The following MYH10 variants were observed in gnomAD, a reference collection of about 807,000 sequenced individuals.
MYH10 encodes the protein myosin heavy chain 10.
MYH10 carries 55 observed loss-of-function variants against 257.8 expected under a neutral mutation model. The ratio of observed to expected loss-of-function variants is 0.21; its 90% CI spans 0.17 to 0.27. MYH10 has a LOEUF of 0.27. MYH10 is among the 10% of genes least tolerant of loss of function. MYH10 has a pLI of 1.00. For missense variants in MYH10, 1,631 were observed against 2,500.6 expected (o/e 0.65, Z 7.42); for synonymous variants, 854 against 921.7 (o/e 0.93, Z 1.33).
Position 8,505,583 on chromosome 17 carries a change from A to G in MYH10, c.3387-677T>C, listed in dbSNP as rs188780874. 2.5e-4 allele frequency among the ~76,000 whole-genome samples: 38 copies of G among 152,392 alleles called. 1 individual carries two copies. Among genetic ancestry groups the G allele is most frequent in the South Asian group, 2.3e-3 (11 of 4,828 alleles). The stretch of plus-strand genomic sequence containing the variant: ...ATGAAACATTAGACATATATTTATT[A>G]CATCTGATTTGCATTCTAAACTGAA... On this transcript the variant is annotated intron_variant, in intron 27 of 42. Transcript: ENST00000360416.
intron 8 of MYH10, among the ~76,000 whole-genome samples, chr17:8,553,670 T>C (rs920723292): frequency 4.6e-5 from 7 of 152,268 alleles, no homozygotes; most frequent in South Asian, 2.1e-4. Context: ...CTAACAGCAA[T>C]AGGGGGAGGG....
intron 14 of MYH10, among the ~76,000 whole-genome samples, chr17:8,539,240 C>G (rs983709734): frequency 1.5e-4 from 23 of 152,168 alleles, no homozygotes; most frequent in African/African-American, 5.3e-4. Flanking sequence ...TAACGGAAAA[C>G]AGACTAGGAC....
At chr17:8,514,874 A>G (rs1247980482) in intron 21 of MYH10, among the ~76,000 whole-genome samples, 1 of 152,038 alleles carries the variant, frequency 6.6e-6, no homozygotes, top group Non-Finnish European at 1.5e-5. Context: ...AGCCAAATCC[A>G]AGTGCCTGGC....
intron 38 of MYH10, chr17:8,480,729 A>T: frequency 1.5e-6 from 1 of 654,132 alleles, no homozygotes; most frequent in Non-Finnish European, 2.7e-6. Context: ...CACCACCCAG[A>T]TGCAGGCCTG....
At chr17:8,480,044 T>G (rs1437396198) in intron 40 of MYH10, 66 bp downstream of exon 40, 2 of 1,531,418 alleles carry the variant, frequency 1.3e-6, no homozygotes, top group Non-Finnish European at 1.8e-6. Flanking sequence ...GAAAGGGGCA[T>G]GCCTGTTTTG....
rs562984902 is a variant in MYH10, at chr17:8,496,763, T to A, written c.3952-1522A>T. ...CCTCCTTCGAAAGGCCTGCTTGCGA[T>A]GTTGACCTTTGGCTGGTGTGTGGGA... On this transcript the variant is annotated intron_variant, in intron 30 of 42. Coordinates refer to ENST00000360416, the MANE Select transcript of MYH10 (RefSeq NM_001256012.3). Among the ~76,000 whole-genome samples the A allele has an allele frequency of 2.0e-5, 3 of 152,320 alleles. No homozygotes were observed. In the East Asian group the frequency reaches 5.8e-4, roughly 29 times the overall value.
chr17:8,599,301 A>G (rs2084504306), intron 3 of MYH10, among the ~76,000 whole-genome samples: 1 of 152,210 alleles, frequency 6.6e-6, no homozygotes, highest in Non-Finnish European at 1.5e-5. Context: ...TTTTCAATAT[A>G]AGCTTGCTAA....
At position 8,570,873 on chromosome 17, in the gene MYH10, ACTCAG is replaced by A. The variant is rs548055353; in HGVS notation, c.664-1066_664-1062del. ...TCACGCCGCCCTGGTGTGGACTGTC[ACTCAG>A]CTGAAAGGGTGGGGAAGTGTTCCTC... On this transcript the variant is annotated intron_variant, in intron 6 of 42. Coordinates refer to ENST00000360416, the MANE Select transcript of MYH10 (RefSeq NM_001256012.3). Among the ~76,000 whole-genome samples the A allele has an allele frequency of 2.1e-3, 315 of 152,266 alleles. 4 individuals are homozygous for A. Among genetic ancestry groups the A allele is most frequent in the Admixed American group, 0.019 (283 of 15,290 alleles).
At chr17:8,619,673 C>T (rs1228630638) in intron 2 of MYH10, among the ~76,000 whole-genome samples, 1 of 152,076 alleles carries the variant, frequency 6.6e-6, no homozygotes, top group African/African-American at 2.4e-5. Context: ...CCTGTAATCA[C>T]AGCACTCTGG....
chr17:8,630,299 C>A (rs1312563585), intron 1 of MYH10, among the ~76,000 whole-genome samples: 1 of 151,440 alleles, frequency 6.6e-6, no homozygotes. Flanking sequence ...CACGTCCCCA[C>A]CCCCAGATCT....
At chr17:8,511,015 CATATATATATATATATATATATATAT>C (rs56144668) in intron 24 of MYH10, 11 of 120,550 alleles carry the variant, frequency 9.1e-5, no homozygotes, top group Middle Eastern at 3.9e-3. Flanking sequence ...TCATGTACCC[CATATATATATATATATATATATATAT>C]ATATATATAT....
chr17:8,569,931 A>T lies in MYH10; in HGVS notation c.664-119T>A. 1 of 702,098 alleles carries T rather than the reference A, an allele frequency of 1.4e-6. No individual in the cohort carries two copies. Among genetic ancestry groups the T allele is most frequent in the South Asian group, 2.4e-5 (1 of 41,108 alleles). 43.5% of individuals were successfully genotyped at this position (702,098 alleles called of 1,614,324 possible). ...ACTGCATCTTTTCCTCAGTTCTTTC[A>T]TTCTGTCTGCCATCCAGCAACTTTT... On this transcript the variant is annotated intron_variant, in intron 6 of 42. Coordinates refer to ENST00000360416, the MANE Select transcript of MYH10 (RefSeq NM_001256012.3). The surrounding 1 kb of genome is among the most constrained non-coding windows in gnomAD (Gnocchi z 4.1).
Position 8,507,425 on chromosome 17 carries a change from C to A in MYH10, c.3215-936G>T, listed in dbSNP as rs1057006678. On this transcript the variant is annotated intron_variant, in intron 26 of 42. Coordinates refer to ENST00000360416, the MANE Select transcript of MYH10 (RefSeq NM_001256012.3). The stretch of plus-strand genomic sequence containing the variant: ...TCTAGCTGCTCTTTCCAACTTCCAT[C>A]CTCTTTTCTTATTGCTTTTGCAGAA... Among the ~76,000 whole-genome samples the A allele has an allele frequency of 3.3e-5, 5 of 152,350 alleles. No homozygotes were observed. The East Asian group carries it at 9.6e-4, about 29-fold the overall frequency.
chr17:8,559,961 G>A (rs1351243739), intron 7 of MYH10, among the ~76,000 whole-genome samples: 4 of 152,194 alleles, frequency 2.6e-5, no homozygotes, highest in East Asian at 1.9e-4. Context: ...CACGGCCAAC[G>A]TGACTGCCTG....
intron 7 of MYH10, among the ~76,000 whole-genome samples, chr17:8,565,677 T>C (rs999849400): frequency 2.6e-5 from 4 of 152,250 alleles, no homozygotes; most frequent in African/African-American, 7.2e-5. Context: ...ACTTATTATA[T>C]AGTAGTGCAG....
chr17:8,485,791 G>C (rs1914660433), intron 36 of MYH10, among the ~76,000 whole-genome samples: 1 of 152,160 alleles, frequency 6.6e-6, no homozygotes, highest in African/African-American at 2.4e-5. Context: ...GTTAAACACA[G>C]AGGTACCATA....
At chr17:8,572,182 A>G (rs2083365973) in intron 6 of MYH10, among the ~76,000 whole-genome samples, 1 of 151,542 alleles carries the variant, frequency 6.6e-6, no homozygotes, top group Non-Finnish European at 1.5e-5. Context: ...TATGGCTAAA[A>G]GGATTATTTG....
intron 1 of MYH10, among the ~76,000 whole-genome samples, chr17:8,623,997 C>T (rs184105731): frequency 6.6e-6 from 1 of 152,168 alleles, no homozygotes; most frequent in Admixed American, 6.5e-5. Context: ...CCGGATCTCT[C>T]GCCTAAACAG....
In MYH10 at chr17:8,480,283, G is replaced by A. The variant is rs1913477593; in HGVS notation, c.5424C>T (p.Arg1808=). ...DTLNAELAAE[R]SAAQKSDNAR... Reference sequence around the variant, plus strand: ...CATTGTCACTCTTCTGGGCGGCGCTGCGCTCGGCTGCTAGCTCGGCGTTCA... The same window carrying A: ...CATTGTCACTCTTCTGGGCGGCGCTACGCTCGGCTGCTAGCTCGGCGTTCA... Residue 1808 remains arginine, a synonymous_variant, in exon 40 of 43, where the codon CGC becomes CGT. Coordinates refer to ENST00000360416, the MANE Select transcript of MYH10 (RefSeq NM_001256012.3). 6.2e-7 allele frequency: 1 copy of A among 1,614,000 alleles called. No individual in the cohort carries two copies. The highest frequency in any genetic ancestry group is 1.7e-5 in the Admixed American group (1 of 60,010).
Sources: allele counts gnomAD v4.1 joint callset (sites outside exome capture counted in the v4.1 genomes callset), GRCh38; gene constraint gnomAD v4.1.1; non-coding constraint Gnocchi (gnomAD v3.1); transcripts MANE v1.5; gene names NCBI Gene and HGNC (gene_info 2026-07-23, HGNC 2026-07-21).